MCHR2: variants seen among roughly 807,000 people sequenced by gnomAD.
MCHR2 encodes melanin concentrating hormone receptor 2, also known as melanin-concentrating hormone receptor 2.
Under a neutral mutation model 24.8 loss-of-function variants are expected in MCHR2, and 15 were observed. That is an observed-to-expected ratio of 0.60 (90% CI 0.40 to 0.93). MCHR2 has a LOEUF of 0.93. Ranked by LOEUF, MCHR2 falls within the 40% of genes least tolerant of loss-of-function variation. MCHR2 has a pLI of 0.00. For synonymous variants in MCHR2, 151 were observed against 147.6 expected, an observed-to-expected ratio of 1.02 and a Z score of -0.17; for missense variants, 386 against 408.7, an observed-to-expected ratio of 0.94 and a Z score of 0.48.
chr6:99,972,477 A>G (rs1034951325), intron 1 of MCHR2, among the ~76,000 whole-genome samples: 17 of 152,028 alleles, frequency 1.1e-4, no homozygotes, highest in South Asian at 2.1e-4. Flanking sequence ...TCTTGCTAGC[A>G]GTCTATCAAT....
chr6:99,987,262 G>C (rs753522317), intron 1 of MCHR2, among the ~76,000 whole-genome samples: 1 of 151,874 alleles, frequency 6.6e-6, no homozygotes, highest in African/African-American at 2.4e-5. Context: ...CACTGCACCC[G>C]GCTAATCCTT....
chr6:99,987,949 C>T (rs1775800275), intron 1 of MCHR2, among the ~76,000 whole-genome samples: 3 of 152,026 alleles, frequency 2.0e-5, no homozygotes. Context: ...TTCAAAAAGG[C>T]TTTAAAACAG....
intron 1 of MCHR2, among the ~76,000 whole-genome samples, chr6:99,958,024 T>C (rs1775100068): frequency 6.6e-6 from 1 of 152,060 alleles, no homozygotes; most frequent in Non-Finnish European, 1.5e-5. Flanking sequence ...CTAAGAATAC[T>C]AAATAAACTC....
chr6:99,933,739 A>T (rs2114503903), intron 5 of MCHR2, among the ~76,000 whole-genome samples: 1 of 152,264 alleles, frequency 6.6e-6, no homozygotes, highest in South Asian at 2.1e-4. Flanking sequence ...TTAAAATATA[A>T]TGTTTAATAA....
intron 5 of MCHR2, among the ~76,000 whole-genome samples, chr6:99,927,336 T>C (rs985830728): frequency 2.0e-5 from 3 of 152,224 alleles, no homozygotes; most frequent in Admixed American, 2.0e-4. Flanking sequence ...TTTGGTTCCA[T>C]ATGAACTTTA....
intron 1 of MCHR2, among the ~76,000 whole-genome samples, chr6:99,972,197 C>G (rs1376290688): frequency 6.6e-6 from 1 of 152,072 alleles, no homozygotes; most frequent in Non-Finnish European, 1.5e-5. Flanking sequence ...GTTCTGGACT[C>G]TTTTTGGTTG....
At chr6:99,940,915 C>T (rs1774757523) in intron 4 of MCHR2, among the ~76,000 whole-genome samples, 1 of 152,088 alleles carries the variant, frequency 6.6e-6, no homozygotes, top group Non-Finnish European at 1.5e-5. Context: ...CTGGAGTGTA[C>T]TGCTATATAG....
intron 5 of MCHR2, among the ~76,000 whole-genome samples, chr6:99,933,338 T>G (rs1290037006): frequency 6.6e-6 from 1 of 152,160 alleles, no homozygotes; most frequent in Non-Finnish European, 1.5e-5. Context: ...GAGAACTGTT[T>G]AAAAAAGGCT....
At chr6:99,992,223 C>A (rs2002095) in intron 1 of MCHR2, among the ~76,000 whole-genome samples, 91,731 of 152,064 alleles carry the variant, frequency 0.6, 27,758 homozygotes, top group Middle Eastern at 0.65. Context: ...TTTAGGACCT[C>A]TGACTAGACA....
intron 5 of MCHR2, among the ~76,000 whole-genome samples, chr6:99,931,194 G>C (rs546128759): frequency 6.6e-6 from 1 of 152,162 alleles, no homozygotes; most frequent in Non-Finnish European, 1.5e-5. Context: ...TGTTCCCCTG[G>C]AAGTTTTGTC....
chr6:99,980,616 CAGAG>C (rs1334250825), intron 1 of MCHR2, among the ~76,000 whole-genome samples: 2 of 151,752 alleles, frequency 1.3e-5, no homozygotes, highest in East Asian at 1.9e-4. Context: ...AGGAGAGTGA[CAGAG>C]AGAGACAGAG....
chr6:99,993,876 G>T (rs1005149764), intron 1 of MCHR2, 60 bp downstream of exon 1: 1 of 151,846 alleles, frequency 6.6e-6, no homozygotes, highest in Non-Finnish European at 1.5e-5. Flanking sequence ...GCAGCCCACG[G>T]GCCCTGGGGC....
intron 3 of MCHR2, 48 bp from the exon 4 acceptor site, chr6:99,943,191 G>C (rs1386621630): frequency 1.4e-6 from 2 of 1,475,074 alleles, no homozygotes; most frequent in Middle Eastern, 1.8e-4. Flanking sequence ...TAAAAGCACT[G>C]AGCTCCAAGG....
At chr6:99,972,316 C>G (rs1161842257) in intron 1 of MCHR2, among the ~76,000 whole-genome samples, 1 of 152,172 alleles carries the variant, frequency 6.6e-6, no homozygotes, top group Non-Finnish European at 1.5e-5. Flanking sequence ...AGGAATTTAT[C>G]CATTTCTTCT....
chr6:99,950,702 A>G (rs1002509240), intron 2 of MCHR2, among the ~76,000 whole-genome samples: 5 of 152,164 alleles, frequency 3.3e-5, no homozygotes, highest in Non-Finnish European at 5.9e-5. Context: ...ATTTGCAGGA[A>G]CAATATGTCA....
At chr6:99,935,950 G>C (rs1774650983) in intron 4 of MCHR2, among the ~76,000 whole-genome samples, 1 of 151,936 alleles carries the variant, frequency 6.6e-6, no homozygotes, top group Non-Finnish European at 1.5e-5. Context: ...GATGGTTAGT[G>C]ATACTGAGCA....
rs752424472 is a variant in MCHR2, at chr6:99,991,348, TA to T, written c.-28+2587del. On this transcript the variant is annotated intron_variant, in intron 1 of 5. Transcript: ENST00000281806. Reference sequence around the variant, plus strand: ...CCTGACAGCCCTCACCAGCAAAGCATACAGGCCTTCCTAGAAGACTTTGATA... The same window carrying T: ...CCTGACAGCCCTCACCAGCAAAGCATCAGGCCTTCCTAGAAGACTTTGATA... 3.9e-5 allele frequency among the ~76,000 whole-genome samples: 6 copies of T among 152,304 alleles called. No individual in the cohort carries two copies. In the East Asian group the frequency reaches 5.8e-4, roughly 15 times the overall value.
intron 2 of MCHR2, 68 bp downstream of exon 2, chr6:99,955,898 T>G: frequency 7.7e-7 from 1 of 1,303,186 alleles, no homozygotes; most frequent in Non-Finnish European, 1.0e-6. Context: ...AAGGACTCAT[T>G]TAGGGAGCTT....
At chr6:99,974,423 G>A (rs919526300) in intron 1 of MCHR2, among the ~76,000 whole-genome samples, 2 of 152,112 alleles carry the variant, frequency 1.3e-5, no homozygotes, top group Non-Finnish European at 2.9e-5. Flanking sequence ...CTCCTTTAAG[G>A]ACTTCTCTGC....
Sources: gnomAD v4.1 joint callset for allele counts (sites outside exome capture counted in the v4.1 genomes callset) on GRCh38, gnomAD v4.1.1 for gene constraint, MANE v1.5 for transcripts, NCBI Gene and HGNC (gene_info 2026-07-23, HGNC 2026-07-21) for gene names.